Variants in SKAP1 observed in about 807,000 individuals in gnomAD.
SKAP1 encodes src kinase associated phosphoprotein 1, also known as src kinase-associated phosphoprotein 1.
A neutral mutation model predicts 58.5 loss-of-function variants in SKAP1; 44 were observed. The ratio of observed to expected loss-of-function variants is 0.75; its 90% CI spans 0.59 to 0.97. SKAP1 has a LOEUF of 0.97. Among genes scored for constraint, SKAP1 ranks in the 50% least tolerant of loss-of-function variants. The pLI is 0.00. For synonymous variants in SKAP1, 127 were observed against 149.7 expected (o/e 0.85, Z 1.11); for missense variants, 390 against 435.2 (o/e 0.90, Z 0.92).
At chr17:48,142,166 ATACT>A (rs1406577047) in intron 11 of SKAP1, among the ~76,000 whole-genome samples, 1 of 151,766 alleles carries the variant, frequency 6.6e-6, no homozygotes, top group Non-Finnish European at 1.5e-5. Flanking sequence ...GGCCAAATAA[ATACT>A]TGTTAAATGA....
intron 3 of SKAP1, among the ~76,000 whole-genome samples, chr17:48,361,687 T>C (rs934085013): frequency 8.5e-5 from 13 of 152,206 alleles, no homozygotes; most frequent in South Asian, 2.1e-4. Context: ...CATCTTCTTG[T>C]ACAGAGGGTC....
intron 4 of SKAP1, among the ~76,000 whole-genome samples, chr17:48,283,234 T>C (rs1176207074): frequency 6.6e-6 from 1 of 152,034 alleles, no homozygotes; most frequent in South Asian, 2.1e-4. Context: ...GTGATTAGAG[T>C]AGACTATGAT....
intron 4 of SKAP1, among the ~76,000 whole-genome samples, chr17:48,195,386 C>A (rs957290166): frequency 6.6e-6 from 1 of 152,126 alleles, no homozygotes; most frequent in Non-Finnish European, 1.5e-5. Context: ...CTTTAACTTC[C>A]GTGGTTCCAT....
At chr17:48,344,710 C>T (rs1205751890) in intron 4 of SKAP1, among the ~76,000 whole-genome samples, 4 of 152,100 alleles carry the variant, frequency 2.6e-5, no homozygotes, top group Non-Finnish European at 4.4e-5. Flanking sequence ...TTACAAACCC[C>T]ATTTTAAAAC....
chr17:48,216,201 AT>A (rs2064937071), intron 4 of SKAP1, among the ~76,000 whole-genome samples: 1 of 152,176 alleles, frequency 6.6e-6, no homozygotes. Context: ...GACTTTTGAC[AT>A]TTCTTAAACA....
intron 4 of SKAP1, among the ~76,000 whole-genome samples, chr17:48,280,942 C>T (rs1598505547): frequency 2.0e-5 from 3 of 152,314 alleles, no homozygotes; most frequent in African/African-American, 7.2e-5. Context: ...GTGAATAAAG[C>T]TGTTATAAAC....
At chr17:48,246,327 G>A (rs1477885428) in intron 4 of SKAP1, among the ~76,000 whole-genome samples, 1 of 152,060 alleles carries the variant, frequency 6.6e-6, no homozygotes, top group Non-Finnish European at 1.5e-5. Context: ...ACCCTTGTTA[G>A]ACCGGACTAT....
rs2066720870 is a variant in SKAP1 at position 48,346,152 on chromosome 17, TC to T, written c.179-147del. 2.8e-5 allele frequency: 14 copies of T among 491,586 alleles called. No homozygotes were observed. The Admixed American group carries it at 3.4e-4, about 12-fold the overall frequency. The allele number at this position is 491,586 out of a possible 1,614,324, so 30.5% of individuals were successfully genotyped here. A position where few individuals can be genotyped will look rare whatever the true frequency, so the allele number is the denominator to read the frequency against. On this transcript the variant is annotated intron_variant, in intron 3 of 12. Coordinates refer to ENST00000336915, the MANE Select transcript of SKAP1 (RefSeq NM_003726.4). ...TACTGGATGATGAACATGGCCACTA[TC>T]CATTAACATATAGGAAACAGTTAAA... is the stretch of plus-strand genomic sequence containing the variant.
At chr17:48,184,659 C>T in intron 7 of SKAP1, 64 bp downstream of exon 7, 1 of 1,599,214 alleles carries the variant, frequency 6.3e-7, no homozygotes, top group Non-Finnish European at 8.6e-7. Flanking sequence ...AACCATGGCT[C>T]ACATGCAATA....
chr17:48,282,620 A>G (rs1054857481), intron 4 of SKAP1, among the ~76,000 whole-genome samples: 1 of 152,054 alleles, frequency 6.6e-6, no homozygotes, highest in South Asian at 2.1e-4. Flanking sequence ...CGAAAAAGTA[A>G]AAAGTCAGCC....
At chr17:48,405,915 A>G (rs1450171925) in intron 1 of SKAP1, among the ~76,000 whole-genome samples, 2 of 152,182 alleles carry the variant, frequency 1.3e-5, no homozygotes, top group Non-Finnish European at 2.9e-5. Flanking sequence ...GGATTCAAAT[A>G]ATAGAATTAA....
intron 4 of SKAP1, among the ~76,000 whole-genome samples, chr17:48,212,875 C>G (rs2064890763): frequency 6.6e-6 from 1 of 152,118 alleles, no homozygotes. Flanking sequence ...CGAAGGTGAC[C>G]TGGTGCTAAG....
chr17:48,273,218 C>A (rs896113584), intron 4 of SKAP1, among the ~76,000 whole-genome samples: 5 of 152,200 alleles, frequency 3.3e-5, no homozygotes, highest in Admixed American at 2.6e-4. Flanking sequence ...CAATTCCCAA[C>A]ATTTTGCATC....
At chr17:48,265,882 T>C (rs2065542339) in intron 4 of SKAP1, among the ~76,000 whole-genome samples, 1 of 152,222 alleles carries the variant, frequency 6.6e-6, no homozygotes, top group Admixed American at 6.5e-5. Flanking sequence ...CATCTGCATG[T>C]CTGTTTAGGT....
chr17:48,276,160 T>G (rs1451747026), intron 4 of SKAP1, among the ~76,000 whole-genome samples: 1 of 152,138 alleles, frequency 6.6e-6, no homozygotes, highest in Non-Finnish European at 1.5e-5. Context: ...CTAACCGTAA[T>G]CTACCCCCCC....
chr17:48,438,711 C>T, the SKAP1 span, among the ~76,000 whole-genome samples: 48 of 152,252 alleles, frequency 3.2e-4, 1 homozygote, highest in Middle Eastern at 3.4e-3. Context: ...TCACTTATTG[C>T]AGCAAAAACA....
chr17:48,291,223 G>A (rs1036483598), intron 4 of SKAP1, among the ~76,000 whole-genome samples: 1 of 152,050 alleles, frequency 6.6e-6, no homozygotes, highest in African/African-American at 2.4e-5. Flanking sequence ...CCTTCATGGG[G>A]TTACTTTGAA....
chr17:48,292,079 T>C (rs1272233421), intron 4 of SKAP1, among the ~76,000 whole-genome samples: 1 of 126,428 alleles, frequency 7.9e-6, no homozygotes, highest in Non-Finnish European at 1.6e-5. Flanking sequence ...TATAACCTAC[T>C]AAAATCACAT....
At chr17:48,420,710 A>G (rs2067783310) in intron 1 of SKAP1, among the ~76,000 whole-genome samples, 1 of 152,084 alleles carries the variant, frequency 6.6e-6, no homozygotes, top group South Asian at 2.1e-4. Context: ...ACTCATAGGG[A>G]CTTCATGTGA....
Sources: gnomAD v4.1 joint callset for allele counts (sites outside exome capture counted in the v4.1 genomes callset) on GRCh38, gnomAD v4.1.1 for gene constraint, MANE v1.5 for transcripts, NCBI Gene and HGNC (gene_info 2026-07-23, HGNC 2026-07-21) for gene names.